Variants in DPM1 observed in about 807,000 individuals in gnomAD.
The protein encoded by DPM1 is dolichyl-phosphate mannosyltransferase subunit 1, catalytic.
Under a neutral mutation model 39.0 loss-of-function variants are expected in DPM1, and 27 were observed. The ratio of observed to expected loss-of-function variants is 0.69; its 90% CI spans 0.51 to 0.95. The LOEUF (loss-of-function observed/expected upper bound fraction) is 0.95. DPM1 is among the 40% of genes least tolerant of loss of function. The pLI is 0.00. For synonymous variants in DPM1, 124 were observed against 109.0 expected, an observed-to-expected ratio of 1.14 and a Z score of -0.86; for missense variants, 307 against 315.6, an observed-to-expected ratio of 0.97 and a Z score of 0.21.
intron 7 of DPM1, among the ~76,000 whole-genome samples, chr20:50,938,035 G>C (rs149891025): frequency 0.024 from 3,679 of 152,088 alleles, 75 homozygotes; most frequent in Middle Eastern, 0.054. Context: ...TTTAAGAGTT[G>C]CTTTATTCCC....
intron 7 of DPM1, among the ~76,000 whole-genome samples, chr20:50,938,093 C>T (rs1985369044): frequency 6.6e-6 from 1 of 152,140 alleles, no homozygotes; most frequent in Non-Finnish European, 1.5e-5. Context: ...CACCTCCTTC[C>T]TCCCCATCCA....
chr20:50,955,384 T>A, intron 1 of DPM1, 99 bp from the exon 2 acceptor site: 1 of 815,708 alleles, frequency 1.2e-6, no homozygotes, highest in Non-Finnish European at 2.0e-6. Flanking sequence ...AATGGAGATG[T>A]ATTGCTATAT....
chr20:50,941,124 C>A (rs1985693026), intron 6 of DPM1, 191 bp from the exon 7 acceptor site: 1 of 649,678 alleles, frequency 1.5e-6, no homozygotes, highest in South Asian at 2.0e-5. Context: ...CGCGGTGGCT[C>A]ACACCTGTAA....
chr20:50,940,476 G>GT (rs1985633895), intron 7 of DPM1, among the ~76,000 whole-genome samples: 1 of 152,112 alleles, frequency 6.6e-6, no homozygotes, highest in Non-Finnish European at 1.5e-5. Context: ...GGAGAACAAG[G>GT]TAACTGAGAG....
intron 7 of DPM1, among the ~76,000 whole-genome samples, chr20:50,940,180 A>G (rs963409923): frequency 6.6e-6 from 1 of 151,968 alleles, no homozygotes; most frequent in Admixed American, 6.6e-5. Context: ...GGACCCAAGA[A>G]TCAACATTAT....
intron 6 of DPM1, chr20:50,941,359 A>ATT (rs56716080): frequency 1.4e-5 from 2 of 140,990 alleles, no homozygotes; most frequent in Non-Finnish European, 1.4e-5. Flanking sequence ...ATATTCATAT[A>ATT]CATATATATT....
At chr20:50,942,268 G>A in intron 5 of DPM1, 142 bp from the exon 6 acceptor site, 2 of 755,264 alleles carry the variant, frequency 2.6e-6, no homozygotes, top group Non-Finnish European at 4.6e-6. Context: ...AGCACTTTGG[G>A]AGGCCGAGGC....
chr20:50,958,559 G>A, upstream of DPM1: 1 of 1,612,176 alleles, frequency 6.2e-7, no homozygotes, highest in Non-Finnish European at 8.5e-7. Flanking sequence ...GCGGAATTAC[G>A]TAATGTGGCG....
chr20:50,958,543 C>G, upstream of DPM1: 1 of 1,612,884 alleles, frequency 6.2e-7, no homozygotes, highest in Non-Finnish European at 8.5e-7. Flanking sequence ...GAGCCAGATG[C>G]CGGAAGCGGA....
chr20:50,950,955 C>T (rs995853350), intron 2 of DPM1, among the ~76,000 whole-genome samples: 2 of 152,178 alleles, frequency 1.3e-5, no homozygotes, highest in Non-Finnish European at 2.9e-5. Context: ...TTCTAAGACC[C>T]CCAGGAGATG....
At chr20:50,940,996 C>G (rs763331111) in intron 6 of DPM1, 63 bp from the exon 7 acceptor site, 1 of 1,434,620 alleles carries the variant, frequency 7.0e-7, no homozygotes, top group Non-Finnish European at 9.8e-7. Flanking sequence ...AGAAACACAT[C>G]GAAGAACAGT....
intron 2 of DPM1, among the ~76,000 whole-genome samples, chr20:50,953,007 C>T (rs1986659370): frequency 6.6e-6 from 1 of 152,154 alleles, no homozygotes. Context: ...GTTCATTCCC[C>T]AAATGTGGTA....
intron 6 of DPM1, chr20:50,941,263 T>TATATAA (rs1491148504): frequency 3.8e-5 from 6 of 156,000 alleles, no homozygotes; most frequent in African/African-American, 1.5e-4. Flanking sequence ...TATATATATA[T>TATATAA]AAATAAAATA....
chr20:50,946,460 A>G (rs1333373145), intron 3 of DPM1, among the ~76,000 whole-genome samples: 1 of 152,224 alleles, frequency 6.6e-6, no homozygotes, highest in Non-Finnish European at 1.5e-5. Context: ...TCTAGAGATG[A>G]TTCTTGATTT....
chr20:50,955,303 G>T lies in DPM1; in HGVS notation c.162-18C>A. The stretch of plus-strand genomic sequence containing the variant: ...TGATTCCACTAAAAAAATTAAATTT[G>T]TATTAATGACTGATGACAGTGTTCT... On this transcript the variant is annotated intron_variant, in intron 1 of 8. Transcript: ENST00000371588. The T allele has an allele frequency of 6.5e-7, 1 of 1,537,780 alleles. No individual in the cohort carries two copies. The highest frequency in any genetic ancestry group is 9.0e-7 in the Non-Finnish European group (1 of 1,112,542).
At chr20:50,946,414 G>C (rs1986287225) in intron 3 of DPM1, among the ~76,000 whole-genome samples, 1 of 152,152 alleles carries the variant, frequency 6.6e-6, no homozygotes, top group Non-Finnish European at 1.5e-5. Context: ...ACCTCTCCAG[G>C]AAAGGCACCA....
At chr20:50,940,575 A>T (rs1339960846) in intron 7 of DPM1, among the ~76,000 whole-genome samples, 4 of 152,266 alleles carry the variant, frequency 2.6e-5, no homozygotes, top group African/African-American at 9.6e-5. Flanking sequence ...AGTACATGCT[A>T]TTCTTTGGAA....
chr20:50,953,090 A>C (rs1986663236), intron 2 of DPM1, among the ~76,000 whole-genome samples: 1 of 152,342 alleles, frequency 6.6e-6, no homozygotes, highest in East Asian at 1.9e-4. Context: ...ACAAAATATA[A>C]ATGACTTTAT....
chr20:50,943,913 T>C (rs1188835095), intron 5 of DPM1, among the ~76,000 whole-genome samples: 5 of 151,930 alleles, frequency 3.3e-5, no homozygotes, highest in Non-Finnish European at 7.4e-5. Flanking sequence ...CTAATTTTTT[T>C]GTATTTTTAG....
Sources: gnomAD v4.1 joint callset for allele counts (sites outside exome capture counted in the v4.1 genomes callset) on GRCh38, gnomAD v4.1.1 for gene constraint, MANE v1.5 for transcripts, NCBI Gene and HGNC (gene_info 2026-07-23, HGNC 2026-07-21) for gene names.